The following PICK1 variants were observed in gnomAD, a reference collection of about 807,000 sequenced individuals.
PICK1 encodes protein interacting with PRKCA 1, also known as PRKCA-binding protein.
A neutral mutation model predicts 48.9 loss-of-function variants in PICK1; 23 were observed. The ratio of observed to expected loss-of-function variants is 0.47; its 90% CI spans 0.34 to 0.67. The LOEUF is 0.67. PICK1 is among the 30% of genes least tolerant of loss of function. The pLI is 0.01. For synonymous variants in PICK1, 217 were observed against 228.2 expected, an observed-to-expected ratio of 0.95 and a Z score of 0.44; for missense variants, 423 against 557.1, an observed-to-expected ratio of 0.76 and a Z score of 2.42.
Position 38,074,084 on chromosome 22 carries a change from A to G in PICK1, c.835-223A>G. Reference sequence around the variant, plus strand: ...CCTATGAGGCGCTTTTAAGTGTTTGATTTTTCTGCTGTCGGGATCCATTTC... The same window carrying G: ...CCTATGAGGCGCTTTTAAGTGTTTGGTTTTTCTGCTGTCGGGATCCATTTC... On this transcript the variant is annotated intron_variant, in intron 11 of 12. Coordinates refer to ENST00000356976, the MANE Select transcript of PICK1 (RefSeq NM_012407.4). The surrounding 1 kb of genome is among the most constrained non-coding windows in gnomAD (Gnocchi z 4.5). 1.6e-6 allele frequency: 1 copy of G among 636,690 alleles called. No homozygotes were observed. Among genetic ancestry groups the G allele is most frequent in the South Asian group, 1.9e-5 (1 of 51,498 alleles). 39.4% of individuals were successfully genotyped at this position (636,690 alleles called of 1,614,324 possible).
rs140773654 is a variant in PICK1 at position 38,071,742 on chromosome 22, G to A, written c.554G>A (p.Arg185Gln). Residue 185 changes from arginine (R) to glutamine (Q), a missense_variant and splice_region_variant, in exon 8 of 13, where the codon CGG becomes CAG. Arg to Gln is a conservative substitution (Grantham distance 43, BLOSUM62 1). Around this residue, in one of 2 missense-constraint regions of PICK1, gnomAD observed 279 missense variants for 417.8 expected, o/e 0.67. Coordinates refer to ENST00000356976, the MANE Select transcript of PICK1 (RefSeq NM_012407.4). ...RAFYELSQTH[R>Q]AFGDVFSVIG... The stretch of plus-strand genomic sequence containing the variant: ...TTTTATGAGCTGTCGCAGACTCACC[G>A]GGGTAATGGCATCCCCCAAAGCTGT... 185 of 1,612,634 alleles carry A rather than the reference G, an allele frequency of 1.1e-4. No homozygotes were observed. Among genetic ancestry groups the A allele is most frequent in the Admixed American group, 3.2e-4 (19 of 60,006 alleles).
At chr22:38,069,417 C>T (rs924217481) in intron 6 of PICK1, among the ~76,000 whole-genome samples, 1 of 152,192 alleles carries the variant, frequency 6.6e-6, no homozygotes, top group Non-Finnish European at 1.5e-5. Context: ...TACCCCTCAC[C>T]CCAGCACTCT....
chr22:38,071,258 C>T (rs905440508), intron 7 of PICK1, among the ~76,000 whole-genome samples: 1 of 152,122 alleles, frequency 6.6e-6, no homozygotes, highest in Non-Finnish European at 1.5e-5. Flanking sequence ...GCATGAGAAT[C>T]GCTTGAACCA....
At chr22:38,061,969 A>T (rs996028478) in intron 3 of PICK1, among the ~76,000 whole-genome samples, 5 of 152,158 alleles carry the variant, frequency 3.3e-5, no homozygotes, top group African/African-American at 9.7e-5. Context: ...GGCTAAATTA[A>T]TATTAGTACA....
intron 3 of PICK1, among the ~76,000 whole-genome samples, chr22:38,061,250 A>C (rs2085393755): frequency 6.6e-6 from 1 of 152,192 alleles, no homozygotes; most frequent in Non-Finnish European, 1.5e-5. Context: ...CTGAGACAGG[A>C]GAATCGCTTG....
chr22:38,063,163 T>TG (rs2085445737), intron 3 of PICK1, among the ~76,000 whole-genome samples: 1 of 140,646 alleles, frequency 7.1e-6, no homozygotes, highest in African/African-American at 2.5e-5. Flanking sequence ...CATCTTAACT[T>TG]TTTTTTTTTT....
intron 3 of PICK1, among the ~76,000 whole-genome samples, chr22:38,060,235 C>G (rs758737920): frequency 6.6e-6 from 1 of 152,138 alleles, no homozygotes; most frequent in Non-Finnish European, 1.5e-5. Flanking sequence ...AAAGAAAGAA[C>G]CATGCATTAA....
intron 2 of PICK1, chr22:38,058,189 T>C (rs773340969): frequency 1.0e-4 from 39 of 383,956 alleles, no homozygotes; most frequent in Admixed American, 4.5e-4. Flanking sequence ...AGGAATATTG[T>C]AGACACCCTT....
chr22:38,068,567 G>A (rs2085591241), intron 5 of PICK1, among the ~76,000 whole-genome samples: 1 of 152,182 alleles, frequency 6.6e-6, no homozygotes, highest in Non-Finnish European at 1.5e-5. Flanking sequence ...CTAGGACTAA[G>A]CTGGTCAGAT....
Position 38,075,189 on chromosome 22 carries a change from C to A in PICK1, c.*57C>A. The A allele has an allele frequency of 1.3e-6, 2 of 1,538,348 alleles. No homozygotes were observed. The highest frequency in any genetic ancestry group is 2.3e-5 in the East Asian group (1 of 43,996). ...TGCGTGGGAGGACGGAGCCTGGGAGCGGGGCGGGGCCGCCGCGCAAGGGGG... is the reference window on the plus strand; with the variant it reads ...TGCGTGGGAGGACGGAGCCTGGGAGAGGGGCGGGGCCGCCGCGCAAGGGGG... On this transcript the variant is annotated 3_prime_UTR_variant, in exon 13 of 13. Coordinates refer to ENST00000356976, the MANE Select transcript of PICK1 (RefSeq NM_012407.4).
In PICK1 at chr22:38,057,405, A is replaced by C. The variant is rs2085294806; in HGVS notation, c.-240A>C. The C allele has an allele frequency of 8.7e-6, 2 of 230,980 alleles. No individual in the cohort carries two copies. The highest frequency in any genetic ancestry group is 2.2e-5 in the African/African-American group (1 of 44,638). 14.3% of individuals were successfully genotyped at this position (230,980 alleles called of 1,614,324 possible). A position where few individuals can be genotyped will look rare whatever the true frequency, so the allele number is the denominator to read the frequency against. ...TCCGCGTCTTGCCGGAAGTGACGTG[A>C]CAATCGCGGCCACCGCCAGGTGGAA... On this transcript the variant is annotated 5_prime_UTR_variant, in exon 1 of 13. Coordinates refer to ENST00000356976, the MANE Select transcript of PICK1 (RefSeq NM_012407.4).
chr22:38,063,180 A>G (rs1255166683), intron 3 of PICK1, among the ~76,000 whole-genome samples: 1 of 149,874 alleles, frequency 6.7e-6, no homozygotes, highest in African/African-American at 2.5e-5. Context: ...TTTTTGAGAC[A>G]GGATCTTGCT....
rs372441076 is a variant in PICK1, at chr22:38,066,615, G to A, written c.283-1089G>A. Among the ~76,000 whole-genome samples, 2 of 152,216 alleles carry A rather than the reference G, an allele frequency of 1.3e-5. No homozygotes were observed. Among genetic ancestry groups the A allele is most frequent in the African/African-American group, 4.8e-5 (2 of 41,446 alleles). Reference sequence around the variant, plus strand: ...CGACTCCCACTGCAGCCCGCTTGCCGTTGGCCTACAGCTGCTCCCTGTGGG... The same window carrying A: ...CGACTCCCACTGCAGCCCGCTTGCCATTGGCCTACAGCTGCTCCCTGTGGG... On this transcript the variant is annotated intron_variant, in intron 4 of 12. Coordinates refer to ENST00000356976, the MANE Select transcript of PICK1 (RefSeq NM_012407.4). This position sits in a 1 kb window ranked among gnomAD's most constrained non-coding sequence, Gnocchi z 4.1.
At chr22:38,068,237 G>A (rs894269848) in intron 5 of PICK1, 3 of 416,680 alleles carry the variant, frequency 7.2e-6, no homozygotes, top group African/African-American at 4.1e-5. Context: ...CTCAGGCATT[G>A]GGCAGAGGGT....
rs1351807643 is a variant in PICK1, at chr22:38,073,342, A to C, written c.783+250A>C. Among the ~76,000 whole-genome samples, 1 of 152,220 alleles carries C rather than the reference A, an allele frequency of 6.6e-6. No homozygotes were observed. The highest frequency in any genetic ancestry group is 1.9e-4 in the East Asian group (1 of 5,196). On this transcript the variant is annotated intron_variant, in intron 10 of 12. Transcript: ENST00000356976. The surrounding 1 kb of genome is among the most constrained non-coding windows in gnomAD (Gnocchi z 5.7). The stretch of plus-strand genomic sequence containing the variant: ...TGACCCCTTGGGATTTGTTGCCTTT[A>C]AACAATGGGTTAGACTAGGTGAGTG...
intron 7 of PICK1, 125 bp downstream of exon 7, chr22:38,071,016 AAG>A: frequency 1.3e-6 from 1 of 753,648 alleles, no homozygotes; most frequent in Admixed American, 2.0e-5. Context: ...CATGGGCATT[AAG>A]AGTTCTTAAG....
chr22:38,068,108 C>T (rs1338145304), intron 5 of PICK1: 1 of 494,994 alleles, frequency 2.0e-6, no homozygotes, highest in East Asian at 6.0e-5. Context: ...GGGCCTCACT[C>T]TTCATAAAGG....
Position 38,073,972 on chromosome 22 carries a change from C to T in PICK1, c.834+149C>T, listed in dbSNP as rs957222575. On this transcript the variant is annotated intron_variant, in intron 11 of 12. Transcript: ENST00000356976. The surrounding 1 kb of genome is among the most constrained non-coding windows in gnomAD (Gnocchi z 5.7). ...TTAGGGCCATCTTCCCAGTCCCGCT[C>T]GCTGGGCCTCGGGGTGCTGGGCACC... 6 of 801,246 alleles carry T rather than the reference C, an allele frequency of 7.5e-6. No individual in the cohort carries two copies. Among genetic ancestry groups the T allele is most frequent in the South Asian group, 1.6e-5 (1 of 64,402 alleles). 49.6% of individuals were successfully genotyped at this position (801,246 alleles called of 1,614,324 possible).
rs1368410924 is a variant in PICK1 at position 38,066,341 on chromosome 22, C to A, written c.282+1211C>A. 1.3e-5 allele frequency among the ~76,000 whole-genome samples: 2 copies of A among 152,196 alleles called. No homozygotes were observed. The highest frequency in any genetic ancestry group is 2.9e-5 in the Non-Finnish European group (2 of 68,034). On this transcript the variant is annotated intron_variant, in intron 4 of 12. Coordinates refer to ENST00000356976, the MANE Select transcript of PICK1 (RefSeq NM_012407.4). The surrounding 1 kb of genome is among the most constrained non-coding windows in gnomAD (Gnocchi z 4.1). ...GTGCCCCATTTGGCAGCCCTTCCCC[C>A]CTCCGCATCTCCTCCCCATCTCCAC... is the stretch of plus-strand genomic sequence containing the variant.
Sources: gnomAD v4.1 joint callset for allele counts (sites outside exome capture counted in the v4.1 genomes callset) on GRCh38, gnomAD v4.1.1 for gene constraint, gnomAD v4.1.1 regional missense constraint, Gnocchi (gnomAD v3.1) non-coding constraint, MANE v1.5 for transcripts, NCBI Gene and HGNC (gene_info 2026-07-23, HGNC 2026-07-21) for gene names.